The following OR51B5 variants were observed in gnomAD, a reference collection of about 807,000 sequenced individuals.
The protein encoded by OR51B5 is olfactory receptor family 51 subfamily B member 5, also known as olfactory receptor 51B5.
For synonymous variants in OR51B5, 186 were observed against 144.8 expected, an observed-to-expected ratio of 1.28 and a Z score of -2.04; for missense variants, 456 against 374.6, an observed-to-expected ratio of 1.22 and a Z score of -1.79.
chr11:5,388,750 G>T (rs937922958), intron 1 of OR51B5, among the ~76,000 whole-genome samples: 1 of 151,972 alleles, frequency 6.6e-6, no homozygotes, highest in South Asian at 2.1e-4. Flanking sequence ...ACTGAATACA[G>T]TAGTACAAAA....
intron 1 of OR51B5, among the ~76,000 whole-genome samples, chr11:5,497,694 G>T (rs417382): frequency 0.99 from 150,367 of 152,276 alleles, 74,273 homozygotes; most frequent in East Asian, 1. Flanking sequence ...GTCAAAGACA[G>T]AACATAAAGA....
At chr11:5,421,757 G>A (rs935858027) in intron 1 of OR51B5, among the ~76,000 whole-genome samples, 9 of 152,102 alleles carry the variant, frequency 5.9e-5, no homozygotes, top group African/African-American at 2.2e-4. Flanking sequence ...AAAAGTCAAA[G>A]GAGATATTTG....
intron 1 of OR51B5, among the ~76,000 whole-genome samples, chr11:5,483,776 T>C (rs1851461436): frequency 6.6e-6 from 1 of 152,124 alleles, no homozygotes; most frequent in Non-Finnish European, 1.5e-5. Flanking sequence ...TTTTCCCACC[T>C]GCACATCACA....
At chr11:5,495,275 T>C (rs758865459) in intron 1 of OR51B5, among the ~76,000 whole-genome samples, 1 of 152,186 alleles carries the variant, frequency 6.6e-6, no homozygotes, top group African/African-American at 2.4e-5. Context: ...TATGAAAGCA[T>C]GAAACTCACT....
At chr11:5,356,110 T>G (rs11825642) in intron 1 of OR51B5, among the ~76,000 whole-genome samples, 7 of 151,384 alleles carry the variant, frequency 4.6e-5, no homozygotes, top group African/African-American at 1.7e-4. Flanking sequence ...CCAGCAACGG[T>G]ACAAAGCTGG....
intron 1 of OR51B5, among the ~76,000 whole-genome samples, chr11:5,386,412 T>C (rs7113120): frequency 3.0e-4 from 45 of 152,302 alleles, no homozygotes; most frequent in African/African-American, 1.1e-3. Flanking sequence ...ATTGTTTACC[T>C]TTTTGTAGTT....
At chr11:5,348,547 G>A (rs1266704003) in intron 1 of OR51B5, among the ~76,000 whole-genome samples, 1 of 152,106 alleles carries the variant, frequency 6.6e-6, no homozygotes, top group East Asian at 1.9e-4. Context: ...AAGCTTGGAC[G>A]GAGCTTGGGT....
At chr11:5,464,997 G>A (rs1007092570) in intron 1 of OR51B5, among the ~76,000 whole-genome samples, 43 of 152,148 alleles carry the variant, frequency 2.8e-4, no homozygotes, top group African/African-American at 1.0e-3. Flanking sequence ...GCGAGGTCAG[G>A]AGATCGAGAC....
At chr11:5,382,639 C>T (rs1158386148) in intron 1 of OR51B5, among the ~76,000 whole-genome samples, 2 of 152,152 alleles carry the variant, frequency 1.3e-5, no homozygotes, top group African/African-American at 4.8e-5. Flanking sequence ...TCCTACAAGC[C>T]TAAATGAAGA....
intron 1 of OR51B5, among the ~76,000 whole-genome samples, chr11:5,364,967 TGAA>T (rs1443105129): frequency 1.3e-5 from 2 of 151,932 alleles, no homozygotes; most frequent in Non-Finnish European, 2.9e-5. Flanking sequence ...GGGAAAAAAA[TGAA>T]GTAACAGAAG....
chr11:5,411,006 G>C (rs956368836), intron 1 of OR51B5, among the ~76,000 whole-genome samples: 1 of 152,104 alleles, frequency 6.6e-6, no homozygotes, highest in Non-Finnish European at 1.5e-5. Flanking sequence ...GTAAGCTAAG[G>C]TTAATTTATT....
intron 1 of OR51B5, among the ~76,000 whole-genome samples, chr11:5,445,406 T>C (rs1398483803): frequency 1.3e-5 from 2 of 152,154 alleles, no homozygotes; most frequent in Non-Finnish European, 2.9e-5. Flanking sequence ...AGCATCCATG[T>C]AACAAATTCC....
At chr11:5,502,193 A>T (rs1488566043) in intron 1 of OR51B5, among the ~76,000 whole-genome samples, 1 of 149,526 alleles carries the variant, frequency 6.7e-6, no homozygotes, top group African/African-American at 2.4e-5. Context: ...TCCGCTTGTC[A>T]CTCTCTCATT....
rs753160596 is a variant in OR51B5, at chr11:5,453,563, C to G, written n.84+52006G>C. On this transcript the variant is annotated intron_variant and non_coding_transcript_variant, in intron 1 of 4. Coordinates refer to the OR51B5 transcript ENST00000415970. The stretch of plus-strand genomic sequence containing the variant: ...TCCCTGGTCTGGAGAGCTCTCACTC[C>G]TGGCTGTCAGGGCCCCTCTGCGTGA... 6 of 1,610,720 alleles carry G rather than the reference C, an allele frequency of 3.7e-6. No homozygotes were observed. The East Asian group carries it at 1.3e-4, about 36-fold the overall frequency.
Position 5,496,281 on chromosome 11 carries a change from G to GA in OR51B5, n.84+9287dup, listed in dbSNP as rs1590030073. On this transcript the variant is annotated intron_variant and non_coding_transcript_variant, in intron 1 of 4. Transcript: ENST00000415970. ...CATGGCATGCCTCTGGTTCCCTCTA[G>GA]AAACTGTGATTATAAATTTTTATCT... Among the ~76,000 whole-genome samples the GA allele has an allele frequency of 2.8e-3, 9 of 3,222 alleles. No individual in the cohort carries two copies. The South Asian group carries it at 0.098, about 35-fold the overall frequency. The allele number at this position is 3,222 out of a possible 152,430, so 2.1% of individuals were successfully genotyped here.
At chr11:5,424,341 AAAACAAAC>A (rs200506898) in intron 1 of OR51B5, among the ~76,000 whole-genome samples, 1 of 151,884 alleles carries the variant, frequency 6.6e-6, no homozygotes, top group African/African-American at 2.4e-5. Context: ...AAGGGAAAAC[AAAACAAAC>A]AAACAAAAAA....
chr11:5,432,959 G>A (rs1850552395), intron 1 of OR51B5, among the ~76,000 whole-genome samples: 1 of 152,130 alleles, frequency 6.6e-6, no homozygotes, highest in Non-Finnish European at 1.5e-5. Flanking sequence ...TCATCTCCAT[G>A]TATCCCCATT....
chr11:5,437,941 G>A (rs1359346226), intron 1 of OR51B5, among the ~76,000 whole-genome samples: 2 of 152,158 alleles, frequency 1.3e-5, no homozygotes, highest in Admixed American at 1.3e-4. Flanking sequence ...AAGATGTAAT[G>A]TTCTCTTCCC....
intron 1 of OR51B5, among the ~76,000 whole-genome samples, chr11:5,446,985 G>A (rs1850775220): frequency 6.6e-6 from 1 of 152,126 alleles, no homozygotes; most frequent in South Asian, 2.1e-4. Context: ...AGATCATTTT[G>A]TACAACAGAA....
Sources: allele counts gnomAD v4.1 joint callset (sites outside exome capture counted in the v4.1 genomes callset), GRCh38; gene constraint gnomAD v4.1.1; transcripts MANE v1.5; gene names NCBI Gene and HGNC (gene_info 2026-07-23, HGNC 2026-07-21).